Variants in LMBR1L observed in about 807,000 individuals in gnomAD.
LMBR1L encodes the protein limb development membrane protein 1 like, also known as protein LMBR1L.
A neutral mutation model predicts 67.3 loss-of-function variants in LMBR1L; 47 were observed. The observed-to-expected ratio is 0.70, with a 90% CI of 0.55 to 0.89. The LOEUF is 0.89. Ranked by LOEUF, LMBR1L falls within the 40% of genes least tolerant of loss-of-function variation. The probability of loss-of-function intolerance (pLI) is 0.00; values close to 1 mark genes in which losing one functional copy is unlikely to be tolerated. For missense variants in LMBR1L, 533 were observed against 599.2 expected (o/e 0.89, Z 1.15); for synonymous variants, 247 against 250.3 (o/e 0.99, Z 0.13).
chr12:49,098,914 C>T (rs972984133), intron 15 of LMBR1L, among the ~76,000 whole-genome samples: 1 of 151,402 alleles, frequency 6.6e-6, no homozygotes, highest in Non-Finnish European at 1.5e-5. Context: ...ACTCCTGGGC[C>T]CAAGCAATCC....
chr12:49,100,181 A>G (rs1168189435), intron 15 of LMBR1L, among the ~76,000 whole-genome samples: 2 of 152,240 alleles, frequency 1.3e-5, no homozygotes, highest in East Asian at 3.8e-4. Flanking sequence ...AGTGGGATGT[A>G]GCAAATGTAA....
At chr12:49,101,144 C>T (rs771003864) in intron 13 of LMBR1L, 106 bp downstream of exon 13, 31 of 1,608,388 alleles carry the variant, frequency 1.9e-5, no homozygotes, top group African/African-American at 1.3e-4. Context: ...TTCCCATCAG[C>T]GTTGCTCAGA....
intron 1 of LMBR1L, among the ~76,000 whole-genome samples, chr12:49,108,623 A>G (rs1247138503): frequency 6.6e-6 from 1 of 150,382 alleles, no homozygotes; most frequent in South Asian, 2.1e-4. Context: ...AATCCCAGCT[A>G]CTCGGGAGGC....
chr12:49,097,773 TC>T, intron 16 of LMBR1L, 34 bp from the exon 17 acceptor site: 1 of 1,613,498 alleles, frequency 6.2e-7, no homozygotes, highest in South Asian at 1.1e-5. Context: ...CAAAAGCAAG[TC>T]AAAGGTCCAG....
chr12:49,098,782 C>T (rs756516937), intron 15 of LMBR1L, among the ~76,000 whole-genome samples: 24 of 152,038 alleles, frequency 1.6e-4, no homozygotes, highest in Non-Finnish European at 3.1e-4. Context: ...AATAATATAA[C>T]GTTAAGAATG....
intron 4 of LMBR1L, 37 bp from the exon 5 acceptor site, chr12:49,104,588 G>A (rs1162115164): frequency 1.3e-6 from 2 of 1,581,486 alleles, no homozygotes; most frequent in East Asian, 2.2e-5. Context: ...TGGTCAGTAA[G>A]GGGAGGGGCA....
chr12:49,107,385 G>C (rs139362819), intron 1 of LMBR1L, among the ~76,000 whole-genome samples: 3 of 152,204 alleles, frequency 2.0e-5, no homozygotes, highest in Admixed American at 2.0e-4. Flanking sequence ...ACATGCACAC[G>C]CATTTCAAAC....
intron 2 of LMBR1L, among the ~76,000 whole-genome samples, chr12:49,106,252 T>C (rs1051259554): frequency 9.9e-5 from 15 of 152,232 alleles, no homozygotes; most frequent in African/African-American, 3.6e-4. Context: ...GCTCAAACTA[T>C]TAATATAATA....
chr12:49,108,592 T>G (rs1592230063), intron 1 of LMBR1L, among the ~76,000 whole-genome samples: 78 of 120,862 alleles, frequency 6.5e-4, no homozygotes, highest in East Asian at 1.5e-3. Flanking sequence ...AAAAAGGCCG[T>G]GTGTGGTGGC....
At chr12:49,098,480 T>C (rs1046983805) in intron 15 of LMBR1L, among the ~76,000 whole-genome samples, 4 of 152,174 alleles carry the variant, frequency 2.6e-5, no homozygotes, top group Admixed American at 2.6e-4. Context: ...GCTGCTTTGG[T>C]TCATATCCCA....
intron 13 of LMBR1L, 52 bp from the exon 14 acceptor site, chr12:49,100,698 C>T (rs1341378113): frequency 7.5e-7 from 1 of 1,340,340 alleles, no homozygotes; most frequent in Non-Finnish European, 1.1e-6. Context: ...AATAACTCAT[C>T]TCAAAGGGAA....
At chr12:49,103,233 T>C (rs1940449836) in intron 6 of LMBR1L, 74 bp from the exon 7 acceptor site, 1 of 1,307,764 alleles carries the variant, frequency 7.6e-7, no homozygotes, top group Non-Finnish European at 1.1e-6. Flanking sequence ...GGCCTCAGAG[T>C]CTAGACAAGG....
chr12:49,106,636 C>G, intron 2 of LMBR1L: 1 of 1,354,872 alleles, frequency 7.4e-7, no homozygotes, highest in Non-Finnish European at 9.8e-7. Context: ...TAATGACATT[C>G]ATCCAGCAGT....
In LMBR1L at chr12:49,098,032, G is replaced by C; in HGVS notation, c.1314C>G (p.Leu438=). ...NWLGNFYIVF[L]YNAAFAGLTT... is the part of the protein sequence containing the mutation. ...TGAGGCCTGCAAAGGCTGCGTTGTA[G>C]AGGAACACAATGTAGAAATTGCCCA... The change falls in exon 16 of 17, where the codon CTC becomes CTG. Residue 438 remains leucine (L), a synonymous_variant. Coordinates refer to ENST00000267102, the MANE Select transcript of LMBR1L (RefSeq NM_018113.4). 6.2e-7 allele frequency: 1 copy of C among 1,614,176 alleles called. No individual in the cohort carries two copies. Among genetic ancestry groups the C allele is most frequent in the South Asian group, 1.1e-5 (1 of 91,090 alleles).
Position 49,110,697 on chromosome 12 carries a change from G to A in LMBR1L, c.-142C>T, listed in dbSNP as rs11830204. Reference sequence around the variant, plus strand: ...CGACAGAAACTCGGGGCAGTCTGGGGCTCAGATACAGTCGTCCGGACGCCC... The same window carrying A: ...CGACAGAAACTCGGGGCAGTCTGGGACTCAGATACAGTCGTCCGGACGCCC... On this transcript the variant is annotated 5_prime_UTR_variant, in exon 1 of 17. Coordinates refer to ENST00000267102, the MANE Select transcript of LMBR1L (RefSeq NM_018113.4). 2.5e-3 allele frequency: 1,753 copies of A among 708,142 alleles called. 23 individuals carry two copies. The African/African-American group carries it at 0.026, about 11-fold the overall frequency. 43.9% of individuals were successfully genotyped at this position (708,142 alleles called of 1,614,324 possible).
At chr12:49,104,353 TA>T in intron 5 of LMBR1L, 94 bp downstream of exon 5, 2 of 958,566 alleles carry the variant, frequency 2.1e-6, no homozygotes, top group Non-Finnish European at 3.3e-6. Flanking sequence ...TTCCGTTAAC[TA>T]AACCTCTGCA....
At chr12:49,100,743 T>C (rs1940060533) in intron 13 of LMBR1L, 97 bp from the exon 14 acceptor site, 2 of 949,428 alleles carry the variant, frequency 2.1e-6, no homozygotes, top group South Asian at 3.3e-5. Flanking sequence ...TTTTTTTTTT[T>C]TTGAGACAGG....
rs1164612817 is a variant in LMBR1L, at chr12:49,101,549, CCT to C, written c.931-2_931-1del. The C allele has an allele frequency of 5.6e-6, 9 of 1,611,672 alleles. No homozygotes were observed. The highest frequency in any genetic ancestry group is 7.6e-6 in the Non-Finnish European group (9 of 1,178,730). On this transcript the variant is annotated splice_acceptor_variant, in intron 11 of 16. Transcript: ENST00000267102. LOFTEE classifies it high-confidence loss of function. The stretch of plus-strand genomic sequence containing the variant: ...ATGGCCACAATGAGCACAGACAGGC[CCT>C]GTGTGAGGCAAGGTCAGACTCCCAT...
At position 49,102,170 on chromosome 12, in the gene LMBR1L, G is replaced by A. The variant is rs765535876; in HGVS notation, c.880C>T (p.Gln294Ter). The A allele has an allele frequency of 1.2e-6, 2 of 1,614,166 alleles. No homozygotes were observed. The highest frequency in any genetic ancestry group is 4.5e-5 in the East Asian group (2 of 44,884). The part of the protein sequence containing the change: ...LEKRRKASAW[Q>*]RNLGYPLAML... The stretch of plus-strand genomic sequence containing the variant: ...GCCAGGGGGTAGCCCAGGTTCCGTT[G>A]CCAGGCTGAAGCCTTCCGCCTCTTC... Residue 294 changes from glutamine (Q) to a stop codon, truncating the protein, a stop_gained, in exon 11 of 17, where the codon CAA becomes TAA. Coordinates refer to ENST00000267102, the MANE Select transcript of LMBR1L (RefSeq NM_018113.4). LOFTEE classifies it high-confidence loss of function.
Sources: gnomAD v4.1 joint callset for allele counts (sites outside exome capture counted in the v4.1 genomes callset) on GRCh38, gnomAD v4.1.1 for gene constraint, MANE v1.5 for transcripts, NCBI Gene and HGNC (gene_info 2026-07-23, HGNC 2026-07-21) for gene names.